PDZRN3: variants seen among roughly 807,000 people sequenced by gnomAD.
PDZRN3 encodes E3 ubiquitin-protein ligase PDZRN3.
A neutral mutation model predicts 85.7 loss-of-function variants in PDZRN3; 38 were observed. The ratio of observed to expected loss-of-function variants is 0.44; its 90% CI spans 0.34 to 0.58. The LOEUF (loss-of-function observed/expected upper bound fraction) is 0.58. Ranked by LOEUF, PDZRN3 falls within the 20% of genes least tolerant of loss-of-function variation. PDZRN3 has a pLI of 0.01. For missense variants in PDZRN3, 1,629 were observed against 1,506.4 expected, an observed-to-expected ratio of 1.08 and a Z score of -1.35; for synonymous variants, 759 against 638.0, an observed-to-expected ratio of 1.19 and a Z score of -2.86.
At chr3:73,570,616 C>T (rs192812458) in intron 3 of PDZRN3, among the ~76,000 whole-genome samples, 8 of 152,186 alleles carry the variant, frequency 5.3e-5, no homozygotes, top group East Asian at 3.9e-4. Context: ...TCCAAATGAC[C>T]GGCTGCCTAG....
rs139706025 is a variant in PDZRN3, at chr3:73,594,429, T to G, written c.918+7925A>C. On this transcript the variant is annotated intron_variant, in intron 3 of 9. Transcript: ENST00000263666. ...CGTATCCTGTACAAAAATTTTAACT[T>G]GAAATAACAACTCTCCACCTTTGTA... Among the ~76,000 whole-genome samples the G allele has an allele frequency of 3.8e-3, 572 of 152,318 alleles. 15 individuals carry two copies. The highest frequency in any genetic ancestry group is 0.035 in the Admixed American group (529 of 15,296).
intron 3 of PDZRN3, among the ~76,000 whole-genome samples, chr3:73,505,092 G>A (rs9825428): frequency 0.012 from 1,857 of 152,280 alleles, 35 homozygotes; most frequent in African/African-American, 0.042. Context: ...AAGATAGTGT[G>A]ACACCCATGG....
intron 3 of PDZRN3, among the ~76,000 whole-genome samples, chr3:73,506,431 C>G (rs1704071233): frequency 6.6e-6 from 1 of 152,018 alleles, no homozygotes. Context: ...GATAAACAGC[C>G]CAGCCCAGTA....
chr3:73,438,834 G>T (rs1288793352), intron 3 of PDZRN3, among the ~76,000 whole-genome samples: 2 of 152,214 alleles, frequency 1.3e-5, no homozygotes, highest in African/African-American at 4.8e-5. Context: ...TCATGTGCAT[G>T]GACCCAACTT....
At position 73,388,088 on chromosome 3, in the gene PDZRN3, G is replaced by T; in HGVS notation, c.1417-19C>A. ...CATTAATCTTTTAAAAAAAAAGGGG[G>T]GGTGGGGAGAGTGGGGAGACAAATA... On this transcript the variant is annotated intron_variant, in intron 7 of 9. Transcript: ENST00000263666. 5.2e-6 allele frequency: 6 copies of T among 1,152,322 alleles called. No homozygotes were observed. Among genetic ancestry groups the T allele is most frequent in the South Asian group, 2.9e-5 (2 of 69,960 alleles). 71.4% of individuals were successfully genotyped at this position (1,152,322 alleles called of 1,614,324 possible). A position where few individuals can be genotyped will look rare whatever the true frequency, so the allele number is the denominator to read the frequency against.
intron 3 of PDZRN3, among the ~76,000 whole-genome samples, chr3:73,572,157 T>C (rs1249039376): frequency 6.6e-6 from 1 of 152,184 alleles, no homozygotes; most frequent in East Asian, 1.9e-4. Flanking sequence ...CAAATTCTAT[T>C]GTAAAATATT....
At chr3:73,449,932 G>A (rs3863975) in intron 3 of PDZRN3, among the ~76,000 whole-genome samples, 118,847 of 152,066 alleles carry the variant, frequency 0.78, 46,669 homozygotes, top group East Asian at 0.91. Context: ...CAGAGTCTCA[G>A]TCTGATTCAC....
intron 1 of PDZRN3, among the ~76,000 whole-genome samples, chr3:73,619,948 A>T (rs1394912194): frequency 2.6e-5 from 4 of 152,248 alleles, no homozygotes; most frequent in African/African-American, 9.6e-5. Context: ...TTGCCCCTCA[A>T]GGGACGTTTG....
intron 3 of PDZRN3, among the ~76,000 whole-genome samples, chr3:73,523,848 C>A (rs1399799102): frequency 6.6e-6 from 1 of 152,068 alleles, no homozygotes; most frequent in Admixed American, 6.6e-5. Context: ...ATGCAACTGG[C>A]AGAAAGGAGG....
rs774486590 is a variant in PDZRN3 at position 73,624,163 on chromosome 3, G to A, written c.663C>T (p.Thr221=). The A allele has an allele frequency of 4.0e-6, 6 of 1,502,702 alleles. No individual in the cohort carries two copies. The African/African-American group carries it at 4.3e-5, about 11-fold the overall frequency. The allele number at this position is 1,502,702 out of a possible 1,614,324, so 93.1% of individuals were successfully genotyped here. A position where few individuals can be genotyped will look rare whatever the true frequency, so the allele number is the denominator to read the frequency against. ...MTALRYQKKF[T]EYSARLDSLS... is the part of the protein sequence containing the mutation. ...GCGAGTCGAGGCGCGCGCTGTATTC[G>A]GTGAATTTCTTCTGGTAGCGCAGCG... Residue 221 remains threonine, a synonymous_variant, in exon 1 of 10, where the codon ACC becomes ACT. Transcript: ENST00000263666.
intron 5 of PDZRN3, among the ~76,000 whole-genome samples, chr3:73,397,800 C>CTGAG (rs1332509398): frequency 6.6e-6 from 1 of 152,190 alleles, no homozygotes; most frequent in Non-Finnish European, 1.5e-5. Flanking sequence ...CTGGTGACAT[C>CTGAG]TGAGTTGCTG....
intron 3 of PDZRN3, among the ~76,000 whole-genome samples, chr3:73,485,906 T>C (rs1291425269): frequency 6.6e-6 from 1 of 152,216 alleles, no homozygotes; most frequent in Non-Finnish European, 1.5e-5. Context: ...GCAGTCCATA[T>C]AGCATCTCTA....
chr3:73,510,504 A>G (rs1019770636), intron 3 of PDZRN3, among the ~76,000 whole-genome samples: 2 of 152,246 alleles, frequency 1.3e-5, no homozygotes, highest in African/African-American at 4.8e-5. Context: ...GCCAGTGAAG[A>G]GGCCTGAGTC....
At position 73,624,328 on chromosome 3, in the gene PDZRN3, C is replaced by A; in HGVS notation, c.498G>T (p.Leu166=). The change falls in exon 1 of 10, where the codon CTG becomes CTT. Residue 166 remains leucine (L), a synonymous_variant. Transcript: ENST00000263666. Reference sequence around the variant, plus strand: ...CCTGGAGCGCGCCGTTGTGCGCCCGCAGCGCTCGCGCGCAGCAGTGGCCGC... The same window carrying A: ...CCTGGAGCGCGCCGTTGTGCGCCCGAAGCGCTCGCGCGCAGCAGTGGCCGC... ...RAGGHCCARA[L]RAHNGALQAR... is the part of the protein sequence containing the mutation. The A allele has an allele frequency of 7.6e-7, 1 of 1,311,556 alleles. No individual in the cohort carries two copies. Among genetic ancestry groups the A allele is most frequent in the Non-Finnish European group, 9.6e-7 (1 of 1,037,722 alleles). 81.2% of individuals were successfully genotyped at this position (1,311,556 alleles called of 1,614,324 possible). A position where few individuals can be genotyped will look rare whatever the true frequency, so the allele number is the denominator to read the frequency against.
chr3:73,504,425 G>C (rs570503364), intron 3 of PDZRN3, among the ~76,000 whole-genome samples: 1 of 152,116 alleles, frequency 6.6e-6, no homozygotes, highest in Admixed American at 6.6e-5. Context: ...TGACAAGCAG[G>C]GTTTTTATGG....
chr3:73,487,387 C>T (rs1410064190), intron 3 of PDZRN3, among the ~76,000 whole-genome samples: 5 of 152,208 alleles, frequency 3.3e-5, no homozygotes, highest in South Asian at 2.1e-4. Flanking sequence ...AATAATAAAA[C>T]GGAGCAGAGG....
chr3:73,613,477 G>A (rs918799520), intron 1 of PDZRN3, among the ~76,000 whole-genome samples: 1 of 152,140 alleles, frequency 6.6e-6, no homozygotes, highest in African/African-American at 2.4e-5. Flanking sequence ...ACGAGCTGGG[G>A]AGTCTGGGAG....
At chr3:73,463,881 C>G (rs527990117) in intron 3 of PDZRN3, among the ~76,000 whole-genome samples, 1 of 152,244 alleles carries the variant, frequency 6.6e-6, no homozygotes, top group East Asian at 1.9e-4. Flanking sequence ...ATCTGTACAA[C>G]CCCCATGACA....
At chr3:73,603,587 G>A in intron 2 of PDZRN3, among the ~76,000 whole-genome samples, 1 of 152,100 alleles carries the variant, frequency 6.6e-6, no homozygotes, top group East Asian at 1.9e-4. Context: ...TCTAGTCATG[G>A]TAAATTCCTT....
Sources: allele counts gnomAD v4.1 joint callset (sites outside exome capture counted in the v4.1 genomes callset), GRCh38; gene constraint gnomAD v4.1.1; transcripts MANE v1.5; gene names NCBI Gene and HGNC (gene_info 2026-07-23, HGNC 2026-07-21).